CYP2C8: variants seen among roughly 807,000 people sequenced by gnomAD.
CYP2C8 encodes the protein cytochrome P450 family 2 subfamily C member 8, also known as cytochrome P450 2C8.
Under a neutral mutation model 41.3 loss-of-function variants are expected in CYP2C8, and 51 were observed. That is an observed-to-expected ratio of 1.24 (90% CI 0.99 to 1.56). CYP2C8 has a LOEUF of 1.56. Ranked by LOEUF, CYP2C8 falls within the 40% of genes most tolerant of loss-of-function variation. The pLI is 0.00. For missense variants in CYP2C8, 651 were observed against 579.9 expected (o/e 1.12, Z -1.26); for synonymous variants, 218 against 205.8 (o/e 1.06, Z -0.51).
At chr10:95,037,634 T>C (rs1357291297) in intron 8 of CYP2C8, among the ~76,000 whole-genome samples, 1 of 152,212 alleles carries the variant, frequency 6.6e-6, no homozygotes, top group African/African-American at 2.4e-5. Flanking sequence ...ACAGCTCTTT[T>C]GCCATTTTGA....
intron 6 of CYP2C8, 140 bp downstream of exon 6, chr10:95,045,670 A>G: frequency 9.6e-7 from 1 of 1,038,830 alleles, no homozygotes; most frequent in Non-Finnish European, 1.5e-6. Context: ...AAATTGTGTC[A>G]TCAAATTTAG....
At chr10:95,046,780 ACTCT>A (rs2033117795) in intron 5 of CYP2C8, among the ~76,000 whole-genome samples, 1 of 149,642 alleles carries the variant, frequency 6.7e-6, no homozygotes, top group South Asian at 2.1e-4. Flanking sequence ...AAGGCACTTG[ACTCT>A]CTCATGCTTC....
chr10:95,038,523 A>C (rs1024288568), intron 8 of CYP2C8, among the ~76,000 whole-genome samples: 1 of 152,188 alleles, frequency 6.6e-6, no homozygotes, highest in Non-Finnish European at 1.5e-5. Context: ...GACAGACACC[A>C]TGTAGAAGAC....
Position 95,036,973 on chromosome 10 carries a change from A to G in CYP2C8, c.*155T>C. The stretch of plus-strand genomic sequence containing the variant: ...GCAGATATATTTGTGCAGTGACCTG[A>G]ACAACTCTCCTTAATGGAGTTTGGA... On this transcript the variant is annotated 3_prime_UTR_variant, in exon 9 of 9. Transcript: ENST00000371270. 1 of 737,808 alleles carries G rather than the reference A, an allele frequency of 1.4e-6. No individual in the cohort carries two copies. The highest frequency in any genetic ancestry group is 2.4e-6 in the Non-Finnish European group (1 of 410,382). 45.7% of individuals were successfully genotyped at this position (737,808 alleles called of 1,614,324 possible).
intron 5 of CYP2C8, among the ~76,000 whole-genome samples, chr10:95,052,174 C>T (rs1168336269): frequency 1.3e-5 from 2 of 151,960 alleles, no homozygotes; most frequent in African/African-American, 4.8e-5. Context: ...CTACCATGAA[C>T]AACTATATAC....
At chr10:95,046,387 T>G (rs1012029763) in intron 5 of CYP2C8, among the ~76,000 whole-genome samples, 1 of 152,064 alleles carries the variant, frequency 6.6e-6, no homozygotes, top group South Asian at 2.1e-4. Flanking sequence ...TTTCATTGCA[T>G]GGCAAAAAGT....
Position 95,067,555 on chromosome 10 carries a change from AT to A in CYP2C8, c.304del (p.Ile102TyrfsTer55). ...EEFSGRGNSP[I>X]SQRITKGLGI... Reference sequence around the variant, plus strand: ...AAGTCCTTTAGTAATTCTTTGAGATATTGGGGAATTGCCTCTTCCAGAAAAC... The same window carrying A: ...AAGTCCTTTAGTAATTCTTTGAGATATGGGGAATTGCCTCTTCCAGAAAAC... On this transcript the variant is annotated frameshift_variant, in exon 2 of 9. Transcript: ENST00000371270. LOFTEE classifies it high-confidence loss of function. 1 of 1,614,126 alleles carries A rather than the reference AT, an allele frequency of 6.2e-7. No homozygotes were observed. The highest frequency in any genetic ancestry group is 8.5e-7 in the Non-Finnish European group (1 of 1,180,006).
intron 4 of CYP2C8, among the ~76,000 whole-genome samples, chr10:95,063,730 T>A (rs776535032): frequency 6.6e-6 from 1 of 152,212 alleles, no homozygotes; most frequent in Non-Finnish European, 1.5e-5. Context: ...TTTTAGAATT[T>A]TCAGTTTTTC....
chr10:95,048,408 C>T (rs2033150594), intron 5 of CYP2C8, among the ~76,000 whole-genome samples: 1 of 152,136 alleles, frequency 6.6e-6, no homozygotes, highest in African/African-American at 2.4e-5. Context: ...CTCTGGTCTC[C>T]TAGCAGCAGG....
chr10:95,063,857 A>T (rs1397920738), intron 4 of CYP2C8, among the ~76,000 whole-genome samples: 2 of 152,224 alleles, frequency 1.3e-5, no homozygotes, highest in Admixed American at 1.3e-4. Context: ...TCCTTCTAAC[A>T]GTCAGGATCC....
At chr10:95,048,196 A>C (rs1004499941) in intron 5 of CYP2C8, among the ~76,000 whole-genome samples, 2 of 152,292 alleles carry the variant, frequency 1.3e-5, no homozygotes, top group Middle Eastern at 3.4e-3. Context: ...TCTCTTTAAC[A>C]GTCCATTTGG....
At chr10:95,062,473 T>C (rs914887440) in intron 4 of CYP2C8, among the ~76,000 whole-genome samples, 9 of 152,200 alleles carry the variant, frequency 5.9e-5, no homozygotes, top group Admixed American at 5.2e-4. Context: ...CCCTGCCTTT[T>C]TTTGTTTTCC....
chr10:95,056,409 G>GA (rs1483228720), intron 5 of CYP2C8, among the ~76,000 whole-genome samples: 11 of 152,004 alleles, frequency 7.2e-5, no homozygotes, highest in Non-Finnish European at 2.9e-5. Context: ...CTATACCCTG[G>GA]AAAAATGAAA....
chr10:95,067,584 C>G lies in CYP2C8; in HGVS notation c.276G>C (p.Glu92Asp). ...AVKEALIDNG[E>D]EFSGRGNSPI... ...GGGAATTGCCTCTTCCAGAAAACTC[C>G]TCTCCATTATCAATCAGGGCTTCCT... Residue 92 changes from glutamate (E) to aspartate (D), a missense_variant, in exon 2 of 9, where the codon GAG becomes GAC. By Grantham distance (45) the Glu-to-Asp change is conservative. Transcript: ENST00000371270. 6.2e-7 allele frequency: 1 copy of G among 1,614,152 alleles called. No individual in the cohort carries two copies. Among genetic ancestry groups the G allele is most frequent in the East Asian group, 2.2e-5 (1 of 44,882 alleles).
At chr10:95,061,003 G>A (rs544144821) in intron 4 of CYP2C8, among the ~76,000 whole-genome samples, 85 of 152,216 alleles carry the variant, frequency 5.6e-4, no homozygotes, top group African/African-American at 1.7e-3. Context: ...CCACTTGATC[G>A]TGGTGGATAA....
chr10:95,056,896 C>A (rs571711759), intron 5 of CYP2C8, among the ~76,000 whole-genome samples: 2 of 152,188 alleles, frequency 1.3e-5, no homozygotes, highest in Admixed American at 6.5e-5. Context: ...GAAAAGAATT[C>A]AAAGGCAACT....
chr10:95,039,219 A>G, intron 7 of CYP2C8, 181 bp from the exon 8 acceptor site: 1 of 623,960 alleles, frequency 1.6e-6, no homozygotes. Flanking sequence ...AGAGCTTTCC[A>G]ATCACATTTG....
chr10:95,039,624 A>C (rs1174182719), intron 7 of CYP2C8, among the ~76,000 whole-genome samples: 1 of 152,216 alleles, frequency 6.6e-6, no homozygotes, highest in African/African-American at 2.4e-5. Flanking sequence ...CAGGATCATC[A>C]GGTCAGGTAA....
chr10:95,065,592 A>T (rs1049899499), intron 3 of CYP2C8, among the ~76,000 whole-genome samples: 2 of 152,232 alleles, frequency 1.3e-5, no homozygotes, highest in African/African-American at 4.8e-5. Flanking sequence ...CTAACCAAAA[A>T]GTAAATTGAT....
Sources: gnomAD v4.1 joint callset for allele counts (sites outside exome capture counted in the v4.1 genomes callset) on GRCh38, gnomAD v4.1.1 for gene constraint, MANE v1.5 for transcripts, NCBI Gene and HGNC (gene_info 2026-07-23, HGNC 2026-07-21) for gene names.